The following ZFHX3 variants were observed in gnomAD, a reference collection of about 807,000 sequenced individuals.
The protein encoded by ZFHX3 is zinc finger homeobox 3.
In ZFHX3, 42 loss-of-function variants were observed where a neutral mutation model predicts 279.1. The observed-to-expected ratio is 0.15, with a 90% CI of 0.12 to 0.19. The LOEUF (loss-of-function observed/expected upper bound fraction) is 0.19. Ranked by LOEUF, ZFHX3 falls within the 10% of genes least tolerant of loss-of-function variation. The pLI is 1.00. For missense variants in ZFHX3, 4,981 were observed against 4,754.0 expected, an observed-to-expected ratio of 1.05 and a Z score of -1.40; for synonymous variants, 2,293 against 1,957.8, an observed-to-expected ratio of 1.17 and a Z score of -4.52.
In ZFHX3 at chr16:72,950,622, G is replaced by A. The variant is rs201265479; in HGVS notation, c.3063C>T (p.Gly1021=). Residue 1021 remains glycine (G), a synonymous_variant, in exon 3 of 10, where the codon GGC becomes GGT. Transcript: ENST00000268489. ...TGAGCCTCCACTCGTTGGCCTTGCC[G>A]CCCTCCTTGATGTGGGCCACCAGCT... The part of the protein sequence containing the change: ...KYQLVAHIKE[G]GKANEWRLKC... 29 of 1,614,096 alleles carry A rather than the reference G, an allele frequency of 1.8e-5. No homozygotes were observed. Among genetic ancestry groups the A allele is most frequent in the South Asian group, 5.5e-5 (5 of 91,088 alleles).
intron 1 of ZFHX3, among the ~76,000 whole-genome samples, chr16:73,808,905 C>T (rs1368033765): frequency 6.6e-6 from 1 of 152,130 alleles, no homozygotes; most frequent in Non-Finnish European, 1.5e-5. Context: ...TGAGGACATC[C>T]AGAAGTTTAA....
chr16:73,399,506 T>C (rs937960508), intron 3 of ZFHX3, among the ~76,000 whole-genome samples: 4 of 152,216 alleles, frequency 2.6e-5, no homozygotes, highest in African/African-American at 9.6e-5. Context: ...TCAGTCTTGG[T>C]ATTCTCTCTA....
rs1461553662 is a variant in ZFHX3 at position 72,783,183 on chromosome 16, GTTTTTTGTTT to G, written c.*3971_*3980del. 5.9e-5 allele frequency: 9 copies of G among 151,290 alleles called. No homozygotes were observed. Among genetic ancestry groups the G allele is most frequent in the Non-Finnish European group, 1.0e-4 (7 of 67,736 alleles). 9.4% of individuals were successfully genotyped at this position (151,290 alleles called of 1,614,324 possible). A position where few individuals can be genotyped will look rare whatever the true frequency, so the allele number is the denominator to read the frequency against. ...TTTCACTTGCTCTATTTTTTTTGTT[GTTTTTTGTTT>G]TTTTTTCTTTTTGTACATTGCAAAG... On this transcript the variant is annotated 3_prime_UTR_variant, in exon 10 of 10. Coordinates refer to ENST00000268489, the MANE Select transcript of ZFHX3 (RefSeq NM_006885.4).
intron 2 of ZFHX3, chr16:73,609,402 AT>A (rs1208150180): frequency 6.6e-6 from 1 of 152,246 alleles, no homozygotes; most frequent in Non-Finnish European, 1.5e-5. Context: ...AAAGGGATCA[AT>A]TTAAAGCCCT....
At chr16:73,869,729 G>T (rs1044537661) in intron 1 of ZFHX3, among the ~76,000 whole-genome samples, 1 of 152,194 alleles carries the variant, frequency 6.6e-6, no homozygotes, top group Admixed American at 6.5e-5. Context: ...CCAATATAAA[G>T]CTGTGGAGGT....
At chr16:73,157,557 G>A (rs1014929581) in intron 5 of ZFHX3, among the ~76,000 whole-genome samples, 11 of 151,120 alleles carry the variant, frequency 7.3e-5, no homozygotes, top group African/African-American at 2.7e-4. Flanking sequence ...CTTAAAAAAG[G>A]GGGTCGAGTC....
chr16:73,520,760 A>G (rs945991470), intron 2 of ZFHX3, among the ~76,000 whole-genome samples: 8 of 152,372 alleles, frequency 5.3e-5, no homozygotes, highest in Middle Eastern at 6.8e-3. Flanking sequence ...ACATATATTT[A>G]TTTAGCACCT....
intron 2 of ZFHX3, among the ~76,000 whole-genome samples, chr16:72,953,933 T>G (rs1178066956): frequency 6.6e-6 from 1 of 152,106 alleles, no homozygotes; most frequent in Non-Finnish European, 1.5e-5. Flanking sequence ...TGAGTGAGGA[T>G]GACAGGCAAG....
intron 3 of ZFHX3, among the ~76,000 whole-genome samples, chr16:73,452,396 T>C (rs1376983389): frequency 6.6e-6 from 1 of 152,210 alleles, no homozygotes; most frequent in Non-Finnish European, 1.5e-5. Context: ...CTTTTTATTT[T>C]AATTTTTTAA....
At chr16:72,895,743 G>A (rs2038884301) in intron 3 of ZFHX3, among the ~76,000 whole-genome samples, 2 of 152,222 alleles carry the variant, frequency 1.3e-5, no homozygotes, top group Non-Finnish European at 2.9e-5. Context: ...AGGATCACTT[G>A]ATCCCAGGAG....
intron 1 of ZFHX3, among the ~76,000 whole-genome samples, chr16:73,756,642 G>A (rs902988480): frequency 2.0e-4 from 30 of 152,112 alleles, no homozygotes; most frequent in Admixed American, 7.2e-4. Flanking sequence ...AGAAAGAGTT[G>A]CAAGAATAGG....
chr16:73,705,420 G>A (rs1159886854), intron 1 of ZFHX3, among the ~76,000 whole-genome samples: 3 of 152,170 alleles, frequency 2.0e-5, no homozygotes, highest in Non-Finnish European at 2.9e-5. Context: ...GATAAAGCAG[G>A]AGCTGGCCAT....
intron 7 of ZFHX3, among the ~76,000 whole-genome samples, chr16:73,109,877 C>T (rs1278821900): frequency 7.7e-6 from 1 of 129,174 alleles, no homozygotes; most frequent in Admixed American, 8.1e-5. Context: ...AAAACAAAAA[C>T]AAAAAACCAC....
At chr16:73,166,375 G>T (rs1039994305) in intron 5 of ZFHX3, among the ~76,000 whole-genome samples, 8 of 152,172 alleles carry the variant, frequency 5.3e-5, no homozygotes, top group African/African-American at 1.9e-4. Context: ...AAGGAAGCTG[G>T]GAACAGTTGC....
intron 2 of ZFHX3, among the ~76,000 whole-genome samples, chr16:73,547,733 A>T (rs1422849226): frequency 6.6e-6 from 1 of 152,146 alleles, no homozygotes; most frequent in African/African-American, 2.4e-5. Flanking sequence ...GATGGACACA[A>T]ACCCAGTCTG....
chr16:73,251,731 C>T (rs2013497346), intron 5 of ZFHX3, among the ~76,000 whole-genome samples: 1 of 128,120 alleles, frequency 7.8e-6, no homozygotes, highest in South Asian at 2.8e-4. Context: ...CACACGCACA[C>T]ACCATGCACA....
At chr16:73,179,999 C>T (rs1055258101) in intron 5 of ZFHX3, among the ~76,000 whole-genome samples, 1 of 152,196 alleles carries the variant, frequency 6.6e-6, no homozygotes, top group Non-Finnish European at 1.5e-5. Flanking sequence ...GCTTTAGCTC[C>T]ACTGCTTGAA....
chr16:72,843,603 G>C (rs2037403640), intron 4 of ZFHX3, among the ~76,000 whole-genome samples: 1 of 151,050 alleles, frequency 6.6e-6, no homozygotes, highest in Admixed American at 6.6e-5. Flanking sequence ...CAGCTGTGTA[G>C]GGAAGAAGTG....
intron 3 of ZFHX3, among the ~76,000 whole-genome samples, chr16:72,894,243 G>C (rs1052044853): frequency 6.6e-6 from 1 of 151,970 alleles, no homozygotes; most frequent in Non-Finnish European, 1.5e-5. Context: ...CTTCTGCTTG[G>C]GTCTACTATG....
Sources: gnomAD v4.1 joint callset for allele counts (sites outside exome capture counted in the v4.1 genomes callset) on GRCh38, gnomAD v4.1.1 for gene constraint, MANE v1.5 for transcripts, NCBI Gene and HGNC (gene_info 2026-07-23, HGNC 2026-07-21) for gene names.